The following PRKG1 variants were observed in gnomAD, a reference collection of about 807,000 sequenced individuals.
PRKG1 encodes cGMP-dependent protein kinase 1.
Under a neutral mutation model 88.1 loss-of-function variants are expected in PRKG1, and 35 were observed. The observed-to-expected ratio is 0.40, with a 90% CI of 0.30 to 0.53. The LOEUF (loss-of-function observed/expected upper bound fraction) is 0.53, where lower values mean the gene tolerates loss of function less well. Ranked by LOEUF, PRKG1 falls within the 20% of genes least tolerant of loss-of-function variation. The pLI is 0.59. For missense variants in PRKG1, 540 were observed against 839.8 expected (o/e 0.64, Z 4.41); for synonymous variants, 303 against 292.5 (o/e 1.04, Z -0.37).
intron 5 of PRKG1, among the ~76,000 whole-genome samples, chr10:51,919,673 C>A (rs902755527): frequency 1.4e-5 from 2 of 145,246 alleles, no homozygotes; most frequent in Admixed American, 1.4e-4. Flanking sequence ...AACAGCCCCC[C>A]ACCTTTTTTT....
intron 3 of PRKG1, among the ~76,000 whole-genome samples, chr10:51,716,325 G>C (rs1240386885): frequency 6.6e-6 from 1 of 152,136 alleles, no homozygotes; most frequent in Non-Finnish European, 1.5e-5. Flanking sequence ...ATATTTGAGT[G>C]TCTTCATCTA....
intron 2 of PRKG1, among the ~76,000 whole-genome samples, chr10:51,362,600 T>C (rs1040131191): frequency 2.6e-5 from 4 of 151,904 alleles, no homozygotes; most frequent in Non-Finnish European, 5.9e-5. Flanking sequence ...TAAATTATAC[T>C]TTTAAGGAAA....
intron 10 of PRKG1, among the ~76,000 whole-genome samples, chr10:52,263,436 T>C (rs1349522521): frequency 6.6e-6 from 1 of 152,126 alleles, no homozygotes. Context: ...TTACATACCA[T>C]AAAACTTTCC....
intron 2 of PRKG1, among the ~76,000 whole-genome samples, chr10:51,342,250 TG>T (rs2132549100): frequency 6.6e-6 from 1 of 152,296 alleles, no homozygotes; most frequent in African/African-American, 2.4e-5. Flanking sequence ...TGAGTTTTTG[TG>T]GATGTGTACA....
intron 5 of PRKG1, among the ~76,000 whole-genome samples, chr10:52,024,544 T>C (rs555449594): frequency 1.3e-5 from 2 of 152,250 alleles, no homozygotes; most frequent in South Asian, 2.1e-4. Flanking sequence ...GTGTTCTCAT[T>C]GTTCAATTGC....
At chr10:51,414,958 A>G (rs1188065503) in intron 2 of PRKG1, among the ~76,000 whole-genome samples, 1 of 152,238 alleles carries the variant, frequency 6.6e-6, no homozygotes, top group Non-Finnish European at 1.5e-5. Flanking sequence ...AATGGCTAAT[A>G]TTCTTTGAGT....
intron 4 of PRKG1, among the ~76,000 whole-genome samples, chr10:51,905,843 A>G (rs1589408483): frequency 6.6e-6 from 1 of 152,314 alleles, no homozygotes; most frequent in Non-Finnish European, 1.5e-5. Context: ...CCATGCTTTC[A>G]TAACTACATT....
chr10:51,593,427 G>T (rs1838362149), intron 3 of PRKG1, among the ~76,000 whole-genome samples: 1 of 152,096 alleles, frequency 6.6e-6, no homozygotes, highest in African/African-American at 2.4e-5. Flanking sequence ...GTTTACCTTA[G>T]CCTCCTGTCC....
At chr10:51,632,978 C>T (rs1839565243) in intron 3 of PRKG1, among the ~76,000 whole-genome samples, 1 of 152,120 alleles carries the variant, frequency 6.6e-6, no homozygotes, top group Non-Finnish European at 1.5e-5. Context: ...GAGATTATGT[C>T]CAATGTAATG....
intron 2 of PRKG1, among the ~76,000 whole-genome samples, chr10:51,466,416 A>G (rs183625909): frequency 6.6e-6 from 1 of 152,206 alleles, no homozygotes. Flanking sequence ...TACACCAGTC[A>G]AAAATAATGA....
chr10:51,412,687 G>C (rs1308967218), intron 2 of PRKG1, among the ~76,000 whole-genome samples: 1 of 152,016 alleles, frequency 6.6e-6, no homozygotes, highest in Admixed American at 6.6e-5. Flanking sequence ...CATCCTAAGG[G>C]TTCAAGCAGA....
At chr10:52,052,509 C>T (rs1846012813) in intron 5 of PRKG1, among the ~76,000 whole-genome samples, 1 of 151,968 alleles carries the variant, frequency 6.6e-6, no homozygotes, top group Non-Finnish European at 1.5e-5. Context: ...TGTATTAGTT[C>T]ATTCTCATAC....
At position 52,147,933 on chromosome 10, in the gene PRKG1, A is replaced by C. The variant is rs548368842; in HGVS notation, c.1002-13956A>C. ...GGTACAGGTGAGACATGCATATGAC[A>C]CTGAGAAAAATGATGACAATATGTA... On this transcript the variant is annotated intron_variant, in intron 8 of 17. Coordinates refer to ENST00000373980, the MANE Select transcript of PRKG1 (RefSeq NM_006258.4). 3.3e-5 allele frequency among the ~76,000 whole-genome samples: 5 copies of C among 152,310 alleles called. 1 individual carries two copies. Among genetic ancestry groups the C allele is most frequent in the African/African-American group, 1.2e-4 (5 of 41,574 alleles).
intron 7 of PRKG1, among the ~76,000 whole-genome samples, chr10:52,069,624 T>A (rs1169250888): frequency 6.6e-6 from 1 of 152,218 alleles, no homozygotes; most frequent in African/African-American, 2.4e-5. Context: ...TGAATTTGAT[T>A]ATTATTTATT....
At chr10:52,015,291 T>C (rs899479469) in intron 5 of PRKG1, among the ~76,000 whole-genome samples, 6 of 152,214 alleles carry the variant, frequency 3.9e-5, no homozygotes, top group Non-Finnish European at 8.8e-5. Flanking sequence ...CACAACACCA[T>C]GTGGAAGCTG....
intron 3 of PRKG1, among the ~76,000 whole-genome samples, chr10:51,768,512 T>A (rs1838226195): frequency 6.6e-6 from 1 of 152,206 alleles, no homozygotes. Flanking sequence ...GTACCTAAAT[T>A]TTATAGGACA....
intron 1 of PRKG1, among the ~76,000 whole-genome samples, chr10:51,015,939 A>T (rs1239634402): frequency 6.6e-6 from 1 of 152,174 alleles, no homozygotes; most frequent in Non-Finnish European, 1.5e-5. Flanking sequence ...GTCTTCTCAC[A>T]GCTGTGTTAA....
chr10:51,965,573 AGAAGGAAGTTCTATG>A (rs1843547600), intron 5 of PRKG1, among the ~76,000 whole-genome samples: 1 of 152,318 alleles, frequency 6.6e-6, no homozygotes, highest in East Asian at 1.9e-4. Context: ...AACAACATTA[AGAAGGAAGTTCTATG>A]ATTTTCAAAA....
chr10:51,566,022 G>A (rs888335081), intron 3 of PRKG1, among the ~76,000 whole-genome samples: 1 of 152,028 alleles, frequency 6.6e-6, no homozygotes, highest in African/African-American at 2.4e-5. Flanking sequence ...AGCATCTTGG[G>A]AAGATAAGAC....
Sources: allele counts gnomAD v4.1 joint callset (sites outside exome capture counted in the v4.1 genomes callset), GRCh38; gene constraint gnomAD v4.1.1; transcripts MANE v1.5; gene names NCBI Gene and HGNC (gene_info 2026-07-23, HGNC 2026-07-21).